The following NRG3 variants were observed in gnomAD, a reference collection of about 807,000 sequenced individuals.
NRG3 encodes the protein neuregulin 3.
NRG3 carries 31 observed loss-of-function variants against 66.9 expected under a neutral mutation model. The ratio of observed to expected loss-of-function variants is 0.46; its 90% CI spans 0.35 to 0.63. The LOEUF is 0.63. NRG3 is among the 20% of genes least tolerant of loss of function. The probability of loss-of-function intolerance (pLI) is 0.00; values close to 1 mark genes in which losing one functional copy is unlikely to be tolerated. For missense variants in NRG3, 910 were observed against 878.9 expected, an observed-to-expected ratio of 1.04 and a Z score of -0.45; for synonymous variants, 393 against 359.4, an observed-to-expected ratio of 1.09 and a Z score of -1.06.
chr10:82,920,094 A>G (rs922953892), intron 4 of NRG3, among the ~76,000 whole-genome samples: 3 of 152,178 alleles, frequency 2.0e-5, no homozygotes, highest in Admixed American at 1.3e-4. Flanking sequence ...ACTAAAACTC[A>G]GGGACTTTTC....
intron 1 of NRG3, among the ~76,000 whole-genome samples, chr10:82,183,942 G>A (rs2073621746): frequency 6.6e-6 from 1 of 152,098 alleles, no homozygotes; most frequent in Non-Finnish European, 1.5e-5. Flanking sequence ...TTCCCAAGGA[G>A]TTGCCCTTGT....
chr10:82,878,412 C>T (rs1403108358), intron 4 of NRG3, among the ~76,000 whole-genome samples: 2 of 152,222 alleles, frequency 1.3e-5, no homozygotes, highest in Admixed American at 6.5e-5. Flanking sequence ...AGGCACTGAT[C>T]GCAGAATCCT....
intron 2 of NRG3, among the ~76,000 whole-genome samples, chr10:82,619,656 T>C (rs1590901291): frequency 6.6e-6 from 1 of 152,166 alleles, no homozygotes; most frequent in South Asian, 2.1e-4. Context: ...AATGTGACTT[T>C]AGTTGGAGAC....
intron 1 of NRG3, among the ~76,000 whole-genome samples, chr10:82,206,334 C>A (rs1352916661): frequency 6.6e-6 from 1 of 152,148 alleles, no homozygotes; most frequent in East Asian, 1.9e-4. Context: ...AATGACCGTT[C>A]TCATTGGTTT....
At chr10:82,773,407 C>G (rs1189422171) in intron 3 of NRG3, among the ~76,000 whole-genome samples, 2 of 152,078 alleles carry the variant, frequency 1.3e-5, no homozygotes, top group Non-Finnish European at 2.9e-5. Context: ...CTGTTTAGGT[C>G]CTTTGTCCCT....
rs115233467 is a variant in NRG3 at position 81,992,163 on chromosome 10, T to G, written c.823+116000T>G. ...GATTGAAAATTGAAACTGTGAACAATGTAGCTGTTCCAAATAATAGTTTAA... is the reference window on the plus strand; with the variant it reads ...GATTGAAAATTGAAACTGTGAACAAGGTAGCTGTTCCAAATAATAGTTTAA... On this transcript the variant is annotated intron_variant, in intron 1 of 8. Transcript: ENST00000372141. Among the ~76,000 whole-genome samples, 874 of 152,272 alleles carry G rather than the reference T, an allele frequency of 5.7e-3. 7 individuals are homozygous for G. Among genetic ancestry groups the G allele is most frequent in the African/African-American group, 0.019 (806 of 41,576 alleles).
intron 3 of NRG3, among the ~76,000 whole-genome samples, chr10:82,799,408 C>T (rs1461499092): frequency 6.6e-6 from 1 of 151,800 alleles, no homozygotes; most frequent in African/African-American, 2.4e-5. Flanking sequence ...TACCAGTAAT[C>T]CCAGCTACTC....
At chr10:82,553,472 C>T (rs545472191) in intron 2 of NRG3, among the ~76,000 whole-genome samples, 37 of 152,126 alleles carry the variant, frequency 2.4e-4, no homozygotes, top group African/African-American at 8.9e-4. Context: ...CCCTGAGTTA[C>T]TAATTTCTTT....
At chr10:82,117,225 T>A (rs1238954237) in intron 1 of NRG3, among the ~76,000 whole-genome samples, 4 of 152,160 alleles carry the variant, frequency 2.6e-5, no homozygotes, top group Non-Finnish European at 5.9e-5. Context: ...TGAGTTCTCC[T>A]CTCTCAGCTC....
At chr10:82,063,152 GTTC>G (rs1177015853) in intron 1 of NRG3, among the ~76,000 whole-genome samples, 1 of 152,152 alleles carries the variant, frequency 6.6e-6, no homozygotes, top group African/African-American at 2.4e-5. Flanking sequence ...AAACAATTCA[GTTC>G]TTCTGTGGTT....
At chr10:82,784,547 T>A (rs1268370423) in intron 3 of NRG3, among the ~76,000 whole-genome samples, 1 of 152,102 alleles carries the variant, frequency 6.6e-6, no homozygotes, top group Admixed American at 6.5e-5. Context: ...GGGCAAAGGA[T>A]ATGAACAGAC....
chr10:82,377,914 CAGTA>C (rs2085357265), intron 2 of NRG3, among the ~76,000 whole-genome samples: 1 of 152,208 alleles, frequency 6.6e-6, no homozygotes, highest in Non-Finnish European at 1.5e-5. Context: ...GCAAATGCTA[CAGTA>C]AAAACTTGCT....
intron 1 of NRG3, among the ~76,000 whole-genome samples, chr10:82,291,413 TCTC>T (rs1414374214): frequency 1.3e-5 from 2 of 152,116 alleles, no homozygotes; most frequent in East Asian, 3.9e-4. Context: ...AGATGTTAAT[TCTC>T]CTGAAATTGA....
chr10:82,553,034 AACACAC>A (rs142641494), intron 2 of NRG3, among the ~76,000 whole-genome samples: 2 of 146,656 alleles, frequency 1.4e-5, no homozygotes, highest in Non-Finnish European at 3.0e-5. Flanking sequence ...ATCACACACA[AACACAC>A]ACACACACAC....
At chr10:82,756,820 GT>G (rs543330930) in intron 3 of NRG3, among the ~76,000 whole-genome samples, 8,315 of 142,078 alleles carry the variant, frequency 0.059, 274 homozygotes, top group Middle Eastern at 0.09. Flanking sequence ...AAGCACTACT[GT>G]TTTTTTTTTT....
chr10:82,725,941 C>G (rs1190471906), intron 2 of NRG3, among the ~76,000 whole-genome samples: 1 of 152,084 alleles, frequency 6.6e-6, no homozygotes, highest in Non-Finnish European at 1.5e-5. Flanking sequence ...CCCAATGAGA[C>G]TGTATTTGGA....
chr10:82,583,352 C>A (rs1019128745), intron 2 of NRG3, among the ~76,000 whole-genome samples: 1 of 152,112 alleles, frequency 6.6e-6, no homozygotes, highest in Admixed American at 6.5e-5. Flanking sequence ...CCACTAATGC[C>A]ATAAATAACT....
At chr10:82,862,661 A>C (rs2064192934) in intron 3 of NRG3, among the ~76,000 whole-genome samples, 1 of 152,090 alleles carries the variant, frequency 6.6e-6, no homozygotes, top group South Asian at 2.1e-4. Context: ...ATCCCAAGTA[A>C]GAGTAGACAA....
chr10:82,490,702 T>G lies in NRG3; in HGVS notation c.953+131834T>G, dbSNP rs1258040297. On this transcript the variant is annotated intron_variant, in intron 2 of 8. Transcript: ENST00000372141. ...CCCTATTTGGCTGTCTAACAGATATTTAAGACAATATCTCCAGTACTTGAT... is the reference window on the plus strand; with the variant it reads ...CCCTATTTGGCTGTCTAACAGATATGTAAGACAATATCTCCAGTACTTGAT... 3.9e-5 allele frequency among the ~76,000 whole-genome samples: 6 copies of G among 152,238 alleles called. No homozygotes were observed. The South Asian group carries it at 1.0e-3, about 26-fold the overall frequency.
Sources: allele counts gnomAD v4.1 joint callset (sites outside exome capture counted in the v4.1 genomes callset), GRCh38; gene constraint gnomAD v4.1.1; transcripts MANE v1.5; gene names NCBI Gene and HGNC (gene_info 2026-07-23, HGNC 2026-07-21).